The following VAV2 variants were observed in gnomAD, a reference collection of about 807,000 sequenced individuals.
The protein encoded by VAV2 is guanine nucleotide exchange factor VAV2.
In VAV2, 67 loss-of-function variants were observed where a neutral mutation model predicts 132.5. The observed-to-expected ratio is 0.51, with a 90% CI of 0.42 to 0.62. The LOEUF (loss-of-function observed/expected upper bound fraction) is 0.62. VAV2 is among the 20% of genes least tolerant of loss of function. The pLI, the probability that VAV2 is intolerant of heterozygous loss-of-function variation, is 0.00. For missense variants in VAV2, 938 were observed against 1,153.6 expected, an observed-to-expected ratio of 0.81 and a Z score of 2.71; for synonymous variants, 492 against 443.5, an observed-to-expected ratio of 1.11 and a Z score of -1.37.
At chr9:133,944,628 T>C (rs1030408526) in intron 1 of VAV2, among the ~76,000 whole-genome samples, 8 of 152,180 alleles carry the variant, frequency 5.3e-5, no homozygotes, top group African/African-American at 1.9e-4. Context: ...AGTGAGCTCA[T>C]GGGTAGGCCC....
At chr9:133,822,090 C>T (rs1835809947) in intron 4 of VAV2, among the ~76,000 whole-genome samples, 1 of 152,206 alleles carries the variant, frequency 6.6e-6, no homozygotes, top group Admixed American at 6.5e-5. Context: ...AGCCCAACAA[C>T]CTCGCCCACC....
chr9:133,894,278 C>G (rs765580711), intron 2 of VAV2, among the ~76,000 whole-genome samples: 1 of 152,220 alleles, frequency 6.6e-6, no homozygotes. Flanking sequence ...GGGATGGTGC[C>G]GGCCATCAGC....
chr9:133,909,788 A>C (rs1452529820), intron 2 of VAV2, among the ~76,000 whole-genome samples: 1 of 152,230 alleles, frequency 6.6e-6, no homozygotes, highest in Non-Finnish European at 1.5e-5. Flanking sequence ...GATTGTATTA[A>C]TATTTCCATT....
chr9:133,943,771 C>T (rs1172498753), intron 1 of VAV2, among the ~76,000 whole-genome samples: 1 of 152,228 alleles, frequency 6.6e-6, no homozygotes, highest in South Asian at 2.1e-4. Context: ...ATCCCTTGTC[C>T]AGGCTCTGGC....
intron 1 of VAV2, among the ~76,000 whole-genome samples, chr9:133,970,156 G>C (rs1363004582): frequency 2.0e-5 from 3 of 152,144 alleles, no homozygotes; most frequent in Non-Finnish European, 4.4e-5. Context: ...CCTTGAAGGA[G>C]AGACCGAGTC....
chr9:133,984,728 C>T lies in VAV2; in HGVS notation c.204+7347G>A, dbSNP rs1174525883. On this transcript the variant is annotated intron_variant, in intron 1 of 29. Coordinates refer to ENST00000371850, the MANE Select transcript of VAV2 (RefSeq NM_001134398.2). ...TAGGCTACCAGCATGGCCAACGTGT[C>T]GAAGCCTTATCTCTCCTAAAAATAC... 2.0e-5 allele frequency among the ~76,000 whole-genome samples: 3 copies of T among 152,172 alleles called. No homozygotes were observed. The East Asian group carries it at 5.8e-4, about 29-fold the overall frequency.
rs114190209 is a variant in VAV2, at chr9:133,918,397, C to T, written c.321+20706G>A. Among the ~76,000 whole-genome samples the T allele has an allele frequency of 6.6e-6, 1 of 151,808 alleles. No individual in the cohort carries two copies. Among genetic ancestry groups the T allele is most frequent in the Non-Finnish European group, 1.5e-5 (1 of 67,978 alleles). On this transcript the variant is annotated intron_variant, in intron 2 of 29. Coordinates refer to ENST00000371850, the MANE Select transcript of VAV2 (RefSeq NM_001134398.2). This position sits in a 1 kb window ranked among gnomAD's most constrained non-coding sequence, Gnocchi z 4.7. ...ACCCAGGCCCAGCTGCTAGCCCGGG[C>T]TACCACCACCACCAGGAAACACTCA...
intron 1 of VAV2, among the ~76,000 whole-genome samples, chr9:133,964,145 C>A (rs1489005341): frequency 1.4e-5 from 2 of 147,626 alleles, no homozygotes; most frequent in African/African-American, 2.5e-5. Context: ...ATTATGTGAG[C>A]CCAGGAGTTC....
chr9:133,975,229 T>TC (rs1842469044), intron 1 of VAV2, among the ~76,000 whole-genome samples: 1 of 151,022 alleles, frequency 6.6e-6, no homozygotes, highest in Admixed American at 6.6e-5. Context: ...GTCCATGGCC[T>TC]CCCCCACCAG....
chr9:133,988,225 AC>A (rs1297373452), intron 1 of VAV2, among the ~76,000 whole-genome samples: 3 of 148,964 alleles, frequency 2.0e-5, no homozygotes, highest in African/African-American at 7.4e-5. Flanking sequence ...GATCACAGGC[AC>A]CCACCCCCCA....
chr9:133,925,223 T>C (rs1247424773), intron 2 of VAV2, among the ~76,000 whole-genome samples: 2 of 152,194 alleles, frequency 1.3e-5, no homozygotes, highest in Non-Finnish European at 2.9e-5. Flanking sequence ...TAATTTTTTC[T>C]TCCCCCCACC....
intron 26 of VAV2, 68 bp from the exon 27 acceptor site, chr9:133,770,569 C>T (rs1373966806): frequency 1.3e-6 from 2 of 1,590,702 alleles, no homozygotes; most frequent in African/African-American, 2.7e-5. Context: ...GTGACCTGGC[C>T]TCCCTCTCCC....
At position 133,908,776 on chromosome 9, in the gene VAV2, G is replaced by T. The variant is rs115810009; in HGVS notation, c.321+30327C>A. Among the ~76,000 whole-genome samples, 1,197 of 152,368 alleles carry T rather than the reference G, an allele frequency of 7.9e-3. 20 individuals are homozygous for T. Among genetic ancestry groups the T allele is most frequent in the African/African-American group, 0.027 (1,121 of 41,588 alleles). ...CTGAGGCAGACGCAGCTACAAACCA[G>T]GTGCCAGGAGCAGGCCCCCTCGGGA... On this transcript the variant is annotated intron_variant, in intron 2 of 29. Coordinates refer to ENST00000371850, the MANE Select transcript of VAV2 (RefSeq NM_001134398.2).
At chr9:133,791,484 G>A (rs1834458207) in intron 13 of VAV2, among the ~76,000 whole-genome samples, 1 of 152,180 alleles carries the variant, frequency 6.6e-6, no homozygotes, top group Non-Finnish European at 1.5e-5. Context: ...TAGGCTTGGG[G>A]GAGAAGGGGG....
chr9:133,799,902 C>A (rs1572752), intron 9 of VAV2, among the ~76,000 whole-genome samples: 6,190 of 152,180 alleles, frequency 0.041, 143 homozygotes, highest in Middle Eastern at 0.088. Context: ...TGACTCCCGG[C>A]GGCCGCCTGC....
intron 2 of VAV2, among the ~76,000 whole-genome samples, chr9:133,933,685 A>ATGAC (rs1840773159): frequency 7.1e-6 from 1 of 141,390 alleles, no homozygotes; most frequent in South Asian, 2.3e-4. Context: ...GGATAGATGA[A>ATGAC]TGATGGATGG....
intron 1 of VAV2, among the ~76,000 whole-genome samples, chr9:133,942,314 C>T (rs1176619533): frequency 2.6e-5 from 4 of 152,190 alleles, no homozygotes; most frequent in Non-Finnish European, 5.9e-5. Flanking sequence ...CGGGAGAGGG[C>T]GTGGGACGGG....
chr9:133,785,722 C>A, intron 17 of VAV2, 54 bp downstream of exon 17: 5 of 1,544,762 alleles, frequency 3.2e-6, no homozygotes, highest in Non-Finnish European at 4.5e-6. Flanking sequence ...TGGGCTTCCA[C>A]CCCCCATACA....
intron 2 of VAV2, among the ~76,000 whole-genome samples, chr9:133,906,192 G>T (rs1054518101): frequency 6.6e-6 from 1 of 152,206 alleles, no homozygotes; most frequent in African/African-American, 2.4e-5. Context: ...GGCTCTGTGG[G>T]GACCTTCAAA....
Sources: allele counts gnomAD v4.1 joint callset (sites outside exome capture counted in the v4.1 genomes callset), GRCh38; gene constraint gnomAD v4.1.1; non-coding constraint Gnocchi (gnomAD v3.1); transcripts MANE v1.5; gene names NCBI Gene and HGNC (gene_info 2026-07-23, HGNC 2026-07-21).